The following GRM5 variants were observed in gnomAD, a reference collection of about 807,000 sequenced individuals.
The protein encoded by GRM5 is metabotropic glutamate receptor 5.
In GRM5, 19 loss-of-function variants were observed where a neutral mutation model predicts 83.1. That is an observed-to-expected ratio of 0.23 (90% CI 0.16 to 0.34). GRM5 has a LOEUF of 0.34. Ranked by LOEUF, GRM5 falls within the 10% of genes least tolerant of loss-of-function variation. GRM5 has a pLI of 1.00. For synonymous variants in GRM5, 675 were observed against 633.6 expected (o/e 1.07, Z -0.98); for missense variants, 1,160 against 1,588.3 (o/e 0.73, Z 4.58).
intron 2 of GRM5, among the ~76,000 whole-genome samples, chr11:88,864,893 C>G (rs908967166): frequency 1.3e-5 from 2 of 151,974 alleles, no homozygotes; most frequent in African/African-American, 4.8e-5. Flanking sequence ...TGAATTTCAT[C>G]GAAGGCCTTT....
chr11:88,824,891 C>A (rs1943867719), intron 3 of GRM5, among the ~76,000 whole-genome samples: 1 of 152,134 alleles, frequency 6.6e-6, no homozygotes, highest in South Asian at 2.1e-4. Flanking sequence ...CTACCATCAT[C>A]TTTTATGAGT....
In GRM5 at chr11:88,567,343, C is replaced by T. The variant is rs199916630; in HGVS notation, c.2340G>A (p.Thr780=). 9.3e-5 allele frequency: 150 copies of T among 1,613,866 alleles called. No individual in the cohort carries two copies. The highest frequency in any genetic ancestry group is 1.8e-4 in the East Asian group (8 of 44,884). ...EAKYIAFTMY[T]TCIIWLAFVP... is the part of the protein sequence containing the mutation. ...CAAAAGCTAGCCATATAATGCAGGT[C>T]GTGTACATTGTGAAGGCGATATACT... Residue 780 remains threonine, a synonymous_variant, in exon 8 of 10, where the codon ACG becomes ACA. Coordinates refer to ENST00000305447, the MANE Select transcript of GRM5 (RefSeq NM_001143831.3). The surrounding 1 kb of genome is among the most constrained non-coding windows in gnomAD (Gnocchi z 7.3).
chr11:88,601,949 G>C (rs1046690238), intron 5 of GRM5, among the ~76,000 whole-genome samples: 2 of 152,156 alleles, frequency 1.3e-5, no homozygotes, highest in African/African-American at 4.8e-5. Context: ...ACAAGCAGCA[G>C]ACTCCATGTG....
At chr11:88,675,943 G>A (rs1027416011) in intron 3 of GRM5, among the ~76,000 whole-genome samples, 23 of 152,100 alleles carry the variant, frequency 1.5e-4, no homozygotes, top group African/African-American at 5.3e-4. Context: ...ATTCTCACAC[G>A]TAAGAGAATC....
intron 2 of GRM5, among the ~76,000 whole-genome samples, chr11:88,894,522 G>T (rs316099): frequency 0.94 from 143,341 of 151,960 alleles, 67,658 homozygotes; most frequent in South Asian, 0.97. Flanking sequence ...TTTCTCTTTG[G>T]TCCCACCACT....
intron 3 of GRM5, among the ~76,000 whole-genome samples, chr11:88,839,854 T>C (rs1281257133): frequency 6.6e-6 from 1 of 151,828 alleles, no homozygotes. Context: ...TTGTATGTGG[T>C]ATGCATTATA....
chr11:88,586,918 A>G (rs1237459743), intron 7 of GRM5, among the ~76,000 whole-genome samples: 1 of 152,174 alleles, frequency 6.6e-6, no homozygotes, highest in Non-Finnish European at 1.5e-5. Context: ...GATAAATTCC[A>G]AACTCGTTAA....
chr11:88,717,321 T>C (rs186116585), intron 3 of GRM5, among the ~76,000 whole-genome samples: 9 of 152,076 alleles, frequency 5.9e-5, no homozygotes, highest in East Asian at 5.8e-4. Context: ...TATAGATAAA[T>C]GACATTTGTT....
chr11:88,585,705 C>A (rs753192814), intron 7 of GRM5, among the ~76,000 whole-genome samples: 39 of 152,142 alleles, frequency 2.6e-4, no homozygotes, highest in Non-Finnish European at 4.7e-4. Context: ...TGGGCTCTCA[C>A]ACCATTCTGG....
chr11:88,556,016 C>A (rs990438924), intron 8 of GRM5, among the ~76,000 whole-genome samples: 1 of 152,018 alleles, frequency 6.6e-6, no homozygotes, highest in Non-Finnish European at 1.5e-5. Flanking sequence ...GCCTTTAAAC[C>A]CTGAGGAAAG....
chr11:88,962,487 T>C (rs1187568759), intron 2 of GRM5, among the ~76,000 whole-genome samples: 2 of 152,196 alleles, frequency 1.3e-5, no homozygotes, highest in Admixed American at 6.6e-5. Context: ...AACATATCTG[T>C]ATATTGAAAC....
intron 3 of GRM5, among the ~76,000 whole-genome samples, chr11:88,798,805 C>CAAAAAAAA (rs4002396): frequency 2.4e-3 from 130 of 55,222 alleles, no homozygotes; most frequent in African/African-American, 3.3e-3. Flanking sequence ...ATGAAAACAC[C>CAAAAAAAA]AAAAAAAAAA....
intron 9 of GRM5, among the ~76,000 whole-genome samples, chr11:88,512,772 A>G (rs1307097109): frequency 6.6e-6 from 1 of 152,244 alleles, no homozygotes; most frequent in Admixed American, 6.5e-5. Flanking sequence ...GGTAAAGAGA[A>G]GGTGTCTAAG....
At chr11:88,989,264 A>C (rs906854744) in intron 2 of GRM5, among the ~76,000 whole-genome samples, 1 of 144,208 alleles carries the variant, frequency 6.9e-6, no homozygotes, top group Admixed American at 7.0e-5. Flanking sequence ...GAGACAAAGA[A>C]GGCCATTACA....
chr11:89,049,665 G>C (rs1941715861), intron 1 of GRM5, among the ~76,000 whole-genome samples: 1 of 152,156 alleles, frequency 6.6e-6, no homozygotes, highest in Admixed American at 6.5e-5. Context: ...AACAGAGAAA[G>C]TCTTCCTATG....
At chr11:89,005,424 G>C (rs1160765857) in intron 2 of GRM5, among the ~76,000 whole-genome samples, 2 of 152,128 alleles carry the variant, frequency 1.3e-5, no homozygotes, top group Non-Finnish European at 2.9e-5. Flanking sequence ...TGTCAAGCTA[G>C]GGTCAGGAAA....
intron 2 of GRM5, among the ~76,000 whole-genome samples, chr11:88,869,539 TAA>T (rs1459615532): frequency 6.6e-6 from 1 of 151,438 alleles, no homozygotes; most frequent in Admixed American, 6.6e-5. Context: ...CATAAATTTT[TAA>T]AAGTGTTATA....
intron 4 of GRM5, among the ~76,000 whole-genome samples, chr11:88,651,740 G>C (rs1010059627): frequency 2.0e-5 from 3 of 152,024 alleles, no homozygotes; most frequent in African/African-American, 7.2e-5. Flanking sequence ...AATGATTTCT[G>C]GATTTCATTG....
intron 8 of GRM5, among the ~76,000 whole-genome samples, chr11:88,528,110 CAAAAAACA>C (rs1436752961): frequency 1.1e-4 from 3 of 27,714 alleles, no homozygotes; most frequent in Non-Finnish European, 3.5e-4. Flanking sequence ...AGAAACAAAA[CAAAAAACA>C]AAAACAAAAC....
Sources: allele counts gnomAD v4.1 joint callset (sites outside exome capture counted in the v4.1 genomes callset), GRCh38; gene constraint gnomAD v4.1.1; non-coding constraint Gnocchi (gnomAD v3.1); transcripts MANE v1.5; gene names NCBI Gene and HGNC (gene_info 2026-07-23, HGNC 2026-07-21).